Variants in SLC5A4 observed in about 807,000 individuals in gnomAD.
SLC5A4 encodes the protein probable glucose sensor protein SLC5A4.
Under a neutral mutation model 70.3 loss-of-function variants are expected in SLC5A4, and 55 were observed. That is an observed-to-expected ratio of 0.78 (90% CI 0.63 to 0.98). SLC5A4 has a LOEUF of 0.98. Among genes scored for constraint, SLC5A4 ranks in the 50% least tolerant of loss-of-function variants. The probability of loss-of-function intolerance (pLI) is 0.00; values close to 1 mark genes in which losing one functional copy is unlikely to be tolerated. For missense variants in SLC5A4, 735 were observed against 839.2 expected (o/e 0.88, Z 1.53); for synonymous variants, 268 against 305.7 (o/e 0.88, Z 1.29).
the SLC5A4 span, among the ~76,000 whole-genome samples, chr22:32,312,480 C>T: frequency 6.6e-6 from 1 of 152,158 alleles, no homozygotes; most frequent in Non-Finnish European, 1.5e-5. Flanking sequence ...ACAGGTATAA[C>T]TCACAGGCCT....
chr22:32,235,191 C>T (rs1569371899), intron 7 of SLC5A4, 98 bp from the exon 8 acceptor site: 17 of 805,100 alleles, frequency 2.1e-5, no homozygotes, highest in Non-Finnish European at 2.9e-5. Context: ...CAAGCACCTC[C>T]CATCAGCCCA....
the SLC5A4 span, among the ~76,000 whole-genome samples, chr22:32,327,959 C>T: frequency 6.6e-6 from 1 of 152,186 alleles, no homozygotes; most frequent in Non-Finnish European, 1.5e-5. Context: ...AGGCCCCAGC[C>T]TGAATTGGGC....
chr22:32,318,974 T>C, the SLC5A4 span, among the ~76,000 whole-genome samples: 4 of 152,206 alleles, frequency 2.6e-5, no homozygotes, highest in Non-Finnish European at 5.9e-5. Context: ...GAGAGGAACA[T>C]GTGACCTGGC....
At chr22:32,288,013 CTTTCTT>C in the SLC5A4 span, among the ~76,000 whole-genome samples, 7 of 143,632 alleles carry the variant, frequency 4.9e-5, no homozygotes, top group Non-Finnish European at 6.2e-5. Context: ...CAATTTCTTT[CTTTCTT>C]TTTTTTTTTT....
At chr22:32,225,561 A>T in intron 12 of SLC5A4, 94 bp downstream of exon 12, 2 of 773,896 alleles carry the variant, frequency 2.6e-6, no homozygotes, top group East Asian at 5.0e-5. Context: ...GATTTGCATA[A>T]ATAGGGGAGA....
chr22:32,280,761 C>G, the SLC5A4 span, among the ~76,000 whole-genome samples: 7 of 152,314 alleles, frequency 4.6e-5, no homozygotes, highest in South Asian at 2.1e-4. Context: ...GCATGGACCA[C>G]TTGGTGGTAG....
chr22:32,300,968 G>A, the SLC5A4 span, among the ~76,000 whole-genome samples: 1 of 152,020 alleles, frequency 6.6e-6, no homozygotes. Flanking sequence ...GCATGTTCAG[G>A]TTTCTTTTTT....
At chr22:32,328,165 TTTTCCC>T in the SLC5A4 span, among the ~76,000 whole-genome samples, 1 of 151,888 alleles carries the variant, frequency 6.6e-6, no homozygotes. Context: ...AACTGTTGAC[TTTTCCC>T]TTCTGCCCTC....
At chr22:32,318,476 T>C in the SLC5A4 span, among the ~76,000 whole-genome samples, 2 of 152,122 alleles carry the variant, frequency 1.3e-5, no homozygotes, top group Admixed American at 6.5e-5. Flanking sequence ...TACAACTCCA[T>C]CCTGTCAGTT....
At chr22:32,219,352 A>G (rs1393202840) in intron 14 of SLC5A4, among the ~76,000 whole-genome samples, 2 of 152,176 alleles carry the variant, frequency 1.3e-5, no homozygotes, top group Non-Finnish European at 2.9e-5. Context: ...ACACTGGCAA[A>G]AATACAGAAA....
rs149287797 is a variant in SLC5A4 at position 32,251,788 on chromosome 22, G to A, written c.294C>T (p.Thr98=). ...CACTTACAGTCCATTCAAATGTTAC[G>A]GTGGCGACTCCTGAAGCTGCTCCTG... ...AGTGAASGVA[T]VTFEWTSSVM... The change falls in exon 3 of 15, where the codon ACC becomes ACT. Residue 98 remains threonine (T), a synonymous_variant. Coordinates refer to ENST00000266086, the MANE Select transcript of SLC5A4 (RefSeq NM_014227.3). The A allele has an allele frequency of 2.2e-5, 36 of 1,609,672 alleles. No homozygotes were observed. The highest frequency in any genetic ancestry group is 2.9e-5 in the Non-Finnish European group (34 of 1,176,088).
chr22:32,224,435 A>C lies in SLC5A4; in HGVS notation c.1497T>G (p.Arg499=). 1 of 1,614,100 alleles carries C rather than the reference A, an allele frequency of 6.2e-7. No homozygotes were observed. Among genetic ancestry groups the C allele is most frequent in the Non-Finnish European group, 8.5e-7 (1 of 1,179,960 alleles). Residue 499 remains arginine, a synonymous_variant, in exon 13 of 15, where the codon CGT becomes CGG. Coordinates refer to ENST00000266086, the MANE Select transcript of SLC5A4 (RefSeq NM_014227.3). Reference sequence around the variant, plus strand: ...TTCCATAAGCAAACTCTGTTATCATACGAATGAGGCCCATTGCAAGTCCAA... The same window carrying C: ...TTCCATAAGCAAACTCTGTTATCATCCGAATGAGGCCCATTGCAAGTCCAA... The part of the protein sequence containing the change: ...LMVGLAMGLI[R]MITEFAYGTG...
At chr22:32,226,499 C>T (rs1382014463) in intron 11 of SLC5A4, among the ~76,000 whole-genome samples, 1 of 152,166 alleles carries the variant, frequency 6.6e-6, no homozygotes, top group Non-Finnish European at 1.5e-5. Context: ...AACAGAGAAG[C>T]AGTTGTGGGG....
At chr22:32,252,194 C>T (rs1927207445) in intron 2 of SLC5A4, among the ~76,000 whole-genome samples, 1 of 148,900 alleles carries the variant, frequency 6.7e-6, no homozygotes, top group Non-Finnish European at 1.5e-5. Context: ...CGCGCCACTG[C>T]ACTCCAGCCT....
the SLC5A4 span, among the ~76,000 whole-genome samples, chr22:32,288,916 T>C: frequency 6.6e-5 from 10 of 152,344 alleles, no homozygotes; most frequent in African/African-American, 2.4e-4. Context: ...AGGTGATGTT[T>C]GAAAATTTCT....
chr22:32,288,703 C>T, the SLC5A4 span, among the ~76,000 whole-genome samples: 21 of 151,960 alleles, frequency 1.4e-4, no homozygotes, highest in Admixed American at 3.9e-4. Flanking sequence ...TGCACCACCA[C>T]GCCTGGATAA....
the SLC5A4 span, among the ~76,000 whole-genome samples, chr22:32,282,704 A>G: frequency 1.1e-4 from 16 of 152,076 alleles, no homozygotes; most frequent in African/African-American, 3.6e-4. Flanking sequence ...AACACGTCCA[A>G]CACTGAACTC....
chr22:32,286,327 C>T, the SLC5A4 span, among the ~76,000 whole-genome samples: 152 of 152,264 alleles, frequency 1.0e-3, no homozygotes, highest in Non-Finnish European at 1.7e-3. Flanking sequence ...CAGTGTACAA[C>T]GCTATTTCTG....
the SLC5A4 span, among the ~76,000 whole-genome samples, chr22:32,352,877 C>G: frequency 6.6e-6 from 1 of 152,240 alleles, no homozygotes; most frequent in African/African-American, 2.4e-5. Context: ...GCCCTCCTAC[C>G]ACTCCAGCGC....
Sources: allele counts gnomAD v4.1 joint callset (sites outside exome capture counted in the v4.1 genomes callset), GRCh38; gene constraint gnomAD v4.1.1; transcripts MANE v1.5; gene names NCBI Gene and HGNC (gene_info 2026-07-23, HGNC 2026-07-21).